The following TEAD1 variants were observed in gnomAD, a reference collection of about 807,000 sequenced individuals.
The protein encoded by TEAD1 is TEA domain transcription factor 1.
A neutral mutation model predicts 54.9 loss-of-function variants in TEAD1; 9 were observed. The observed-to-expected ratio is 0.16, with a 90% confidence interval of 0.10 to 0.29. The LOEUF is 0.29. Ranked by LOEUF, TEAD1 falls within the 10% of genes least tolerant of loss-of-function variation. TEAD1 has a pLI of 1.00. For missense variants in TEAD1, 387 were observed against 535.9 expected, an observed-to-expected ratio of 0.72 and a Z score of 2.74; for synonymous variants, 200 against 187.8, an observed-to-expected ratio of 1.07 and a Z score of -0.53.
chr11:12,930,076 A>C (rs2245140), intron 11 of TEAD1, 98 bp from the exon 12 acceptor site: 908,108 of 1,405,108 alleles, frequency 0.65, 295,398 homozygotes, highest in South Asian at 0.76. Context: ...AAGATGATTC[A>C]TGTTGAAAAA....
chr11:12,817,495 A>G (rs113947827), intron 3 of TEAD1, among the ~76,000 whole-genome samples: 303 of 152,342 alleles, frequency 2.0e-3, no homozygotes, highest in African/African-American at 6.5e-3. Flanking sequence ...TACACCATCT[A>G]TCACATTTAA....
intron 3 of TEAD1, among the ~76,000 whole-genome samples, chr11:12,804,705 T>G (rs906363134): frequency 5.9e-5 from 9 of 152,034 alleles, no homozygotes; most frequent in Admixed American, 5.2e-4. Context: ...GAGCCAGGGG[T>G]TCTGTTTTCC....
At position 12,864,780 on chromosome 11, in the gene TEAD1, T is replaced by A. The variant is rs577616609; in HGVS notation, c.268-58T>A. ...CTGGCTTGCCCACTTGTAGGGGGCT[T>A]TTCATCTCCATGGTTACAGGCTTTT... On this transcript the variant is annotated intron_variant, in intron 4 of 12. Transcript: ENST00000527636. The A allele has an allele frequency of 1.4e-5, 22 of 1,613,622 alleles. No homozygotes were observed. In the African/African-American group the frequency reaches 2.7e-4, roughly 20 times the overall value.
intron 2 of TEAD1, among the ~76,000 whole-genome samples, chr11:12,716,023 C>G (rs1382432001): frequency 2.0e-5 from 3 of 151,876 alleles, no homozygotes; most frequent in Non-Finnish European, 4.4e-5. Context: ...ACCTTCCCCC[C>G]AAGACTGAGA....
intron 2 of TEAD1, among the ~76,000 whole-genome samples, chr11:12,759,317 T>C (rs1945054019): frequency 6.6e-6 from 1 of 151,958 alleles, no homozygotes; most frequent in Non-Finnish European, 1.5e-5. Flanking sequence ...TGTGTATTGG[T>C]TGAATACACA....
chr11:12,764,543 A>G, intron 3 of TEAD1, 109 bp downstream of exon 3: 4 of 1,321,962 alleles, frequency 3.0e-6, no homozygotes, highest in Non-Finnish European at 4.3e-6. Context: ...GGGTTGAGTG[A>G]TATTTGTAGA....
rs75887230 is a variant in TEAD1, at chr11:12,930,458, G to A, written c.1167+132G>A. Reference sequence around the variant, plus strand: ...CAGGTTGTTGGATTGGGTTCCTAGTGGTCAGTCAGCAGTTGAATTTGCATC... The same window carrying A: ...CAGGTTGTTGGATTGGGTTCCTAGTAGTCAGTCAGCAGTTGAATTTGCATC... On this transcript the variant is annotated intron_variant, in intron 12 of 12. Transcript: ENST00000527636. 1,670 of 1,093,678 alleles carry A rather than the reference G, an allele frequency of 1.5e-3. 26 individuals carry two copies. The East Asian group carries it at 0.033, about 22-fold the overall frequency. 67.7% of individuals were successfully genotyped at this position (1,093,678 alleles called of 1,614,324 possible).
intron 2 of TEAD1, 133 bp from the exon 3 acceptor site, chr11:12,764,046 G>T: frequency 1.6e-6 from 1 of 640,392 alleles, no homozygotes; most frequent in Middle Eastern, 4.2e-4. Flanking sequence ...AAAACCATGT[G>T]TATCCCCAAA....
intron 10 of TEAD1, among the ~76,000 whole-genome samples, chr11:12,912,905 A>G (rs1948642938): frequency 6.6e-6 from 1 of 152,134 alleles, no homozygotes; most frequent in Non-Finnish European, 1.5e-5. Flanking sequence ...AAGAAAGCCC[A>G]GGTCAGGGGT....
intron 2 of TEAD1, among the ~76,000 whole-genome samples, chr11:12,701,009 A>C (rs1943689768): frequency 6.6e-6 from 1 of 152,176 alleles, no homozygotes. Flanking sequence ...CATGCTTTAG[A>C]GTTTAGATTT....
chr11:12,694,844 G>GTTC (rs1943545949), intron 2 of TEAD1, among the ~76,000 whole-genome samples: 1 of 152,222 alleles, frequency 6.6e-6, no homozygotes, highest in Non-Finnish European at 1.5e-5. Flanking sequence ...GTCATTGGAA[G>GTTC]TTCTGATAGA....
chr11:12,693,376 C>G (rs551196797), intron 2 of TEAD1, among the ~76,000 whole-genome samples: 3 of 152,234 alleles, frequency 2.0e-5, no homozygotes, highest in Non-Finnish European at 2.9e-5. Context: ...TCTGCTCACT[C>G]TGAACTCTGG....
chr11:12,916,147 T>C (rs971772220), intron 10 of TEAD1, among the ~76,000 whole-genome samples: 1 of 152,228 alleles, frequency 6.6e-6, no homozygotes, highest in Non-Finnish European at 1.5e-5. Context: ...GTGTTAATGA[T>C]GGCCTTTTTT....
At chr11:12,930,137 A>C in intron 11 of TEAD1, 37 bp from the exon 12 acceptor site, 3 of 1,614,050 alleles carry the variant, frequency 1.9e-6, no homozygotes, top group Non-Finnish European at 2.5e-6. Flanking sequence ...TTTGGAGTCA[A>C]AAGTGTAAAA....
At chr11:12,704,972 A>G (rs948173296) in intron 2 of TEAD1, among the ~76,000 whole-genome samples, 1 of 152,230 alleles carries the variant, frequency 6.6e-6, no homozygotes, top group African/African-American at 2.4e-5. Flanking sequence ...GTGCTTTGCA[A>G]AGTAGACATT....
At chr11:12,867,566 G>A (rs574830704) in intron 5 of TEAD1, among the ~76,000 whole-genome samples, 1 of 152,276 alleles carries the variant, frequency 6.6e-6, no homozygotes, top group Non-Finnish European at 1.5e-5. Context: ...CTCAAAGGCA[G>A]TATACTTAAC....
rs1351947159 is a variant in TEAD1 at position 12,714,642 on chromosome 11, G to A, written c.-55+39081G>A. Among the ~76,000 whole-genome samples the A allele has an allele frequency of 2.0e-5, 3 of 152,104 alleles. No individual in the cohort carries two copies. In the East Asian group the frequency reaches 5.8e-4, roughly 29 times the overall value. ...ATTCATTCCAGTAGTAGTTTCCTGG[G>A]GCTGCTGTAACAAAGCACCATAGGC... is the stretch of plus-strand genomic sequence containing the variant. On this transcript the variant is annotated intron_variant, in intron 2 of 12. Transcript: ENST00000527636.
intron 3 of TEAD1, among the ~76,000 whole-genome samples, chr11:12,836,988 G>A (rs1398470691): frequency 6.6e-6 from 1 of 152,106 alleles, no homozygotes; most frequent in South Asian, 2.1e-4. Context: ...GCCTCTAAGC[G>A]CAAGTTGATT....
rs1039245272 is a variant in TEAD1, at chr11:12,864,736, A to C, written c.268-102A>C. 3 of 1,608,912 alleles carry C rather than the reference A, an allele frequency of 1.9e-6. No individual in the cohort carries two copies. The African/African-American group carries it at 4.0e-5, about 22-fold the overall frequency. The stretch of plus-strand genomic sequence containing the variant: ...CAAGAAAGAAAGTTCGAGAAATTCA[A>C]GCCGCCATTAAGGTACGTCTGGCTT... On this transcript the variant is annotated intron_variant, in intron 4 of 12. Coordinates refer to ENST00000527636, the MANE Select transcript of TEAD1 (RefSeq NM_021961.6).
Sources: gnomAD v4.1 joint callset for allele counts (sites outside exome capture counted in the v4.1 genomes callset) on GRCh38, gnomAD v4.1.1 for gene constraint, MANE v1.5 for transcripts, NCBI Gene and HGNC (gene_info 2026-07-23, HGNC 2026-07-21) for gene names.